Variants in ZNF385B observed in about 807,000 individuals in gnomAD.
ZNF385B encodes zinc finger protein 533.
In ZNF385B, 23 loss-of-function variants were observed where a neutral mutation model predicts 39.2. That is an observed-to-expected ratio of 0.59 (90% CI 0.42 to 0.83). The LOEUF (loss-of-function observed/expected upper bound fraction) is 0.83, where lower values mean the gene tolerates loss of function less well. ZNF385B is among the 40% of genes least tolerant of loss of function. ZNF385B has a pLI of 0.00. For synonymous variants in ZNF385B, 205 were observed against 222.6 expected (o/e 0.92, Z 0.70); for missense variants, 552 against 598.9 (o/e 0.92, Z 0.82).
At chr2:179,666,703 T>A (rs939283513) in intron 3 of ZNF385B, among the ~76,000 whole-genome samples, 1 of 152,158 alleles carries the variant, frequency 6.6e-6, no homozygotes, top group Non-Finnish European at 1.5e-5. Context: ...CTTTATTGAG[T>A]TTCCATTCTG....
chr2:179,793,344 A>G (rs1209406257), intron 1 of ZNF385B, among the ~76,000 whole-genome samples: 2 of 152,196 alleles, frequency 1.3e-5, no homozygotes, highest in Non-Finnish European at 2.9e-5. Flanking sequence ...GAAGGAATCC[A>G]GCTGTGGCTA....
At chr2:179,460,904 T>C in intron 6 of ZNF385B, among the ~76,000 whole-genome samples, 1 of 152,216 alleles carries the variant, frequency 6.6e-6, no homozygotes, top group East Asian at 1.9e-4. Context: ...CTCACTTGGC[T>C]AGCCTTGCAA....
At chr2:179,674,947 T>C (rs1432641673) in intron 3 of ZNF385B, among the ~76,000 whole-genome samples, 1 of 152,178 alleles carries the variant, frequency 6.6e-6, no homozygotes, top group Admixed American at 6.5e-5. Context: ...GGAAACACTA[T>C]ACAGAGTAAA....
In ZNF385B at chr2:179,769,596, T is replaced by C. The variant is rs937744671; in HGVS notation, c.205A>G (p.Asn69Asp). The C allele has an allele frequency of 1.2e-6, 2 of 1,614,118 alleles. No homozygotes were observed. Among genetic ancestry groups the C allele is most frequent in the Non-Finnish European group, 1.7e-6 (2 of 1,180,030 alleles). ...ACTCGTTTGCGGTGGGATTTGCCGT[T>C]GGAATGCACCTGAGCCTGGGCTGCA... ...NSAAQAQVHS[N>D]GKSHRKRVKQ... The change falls in exon 3 of 10, where the codon AAC becomes GAC. Residue 69 changes from asparagine (N) to aspartate (D), a missense_variant. Physicochemically the swap from Asn to Asp is conservative, Grantham distance 23. Transcript: ENST00000410066.
chr2:179,583,886 T>C (rs1287428925), intron 3 of ZNF385B: 2 of 1,301,012 alleles, frequency 1.5e-6, no homozygotes, highest in South Asian at 1.2e-5. Context: ...AGTCCACATA[T>C]AAATTATACA....
chr2:179,488,836 A>G (rs2054899302), intron 5 of ZNF385B, among the ~76,000 whole-genome samples: 1 of 152,196 alleles, frequency 6.6e-6, no homozygotes, highest in East Asian at 1.9e-4. Flanking sequence ...CGACCATAAA[A>G]CAGGCTAAAC....
chr2:179,603,943 C>T (rs1048241005), intron 3 of ZNF385B, among the ~76,000 whole-genome samples: 3 of 152,106 alleles, frequency 2.0e-5, no homozygotes. Flanking sequence ...AGGATTTTCA[C>T]AGACATTTAT....
chr2:179,641,095 C>T (rs968114958), intron 3 of ZNF385B, among the ~76,000 whole-genome samples: 1 of 151,444 alleles, frequency 6.6e-6, no homozygotes, highest in African/African-American at 2.4e-5. Context: ...AAAAAAGATT[C>T]TTTTTATTTG....
chr2:179,630,740 C>T (rs527453665), intron 3 of ZNF385B, among the ~76,000 whole-genome samples: 16 of 152,212 alleles, frequency 1.1e-4, no homozygotes, highest in African/African-American at 3.1e-4. Flanking sequence ...GGAGGGTGTT[C>T]GAACCCATCG....
At chr2:179,507,842 G>C (rs559348758) in intron 5 of ZNF385B, among the ~76,000 whole-genome samples, 7 of 152,144 alleles carry the variant, frequency 4.6e-5, no homozygotes, top group African/African-American at 1.2e-4. Flanking sequence ...CTCATATGCT[G>C]TCTCCACCTC....
At chr2:179,513,240 T>TA (rs1326510444) in intron 5 of ZNF385B, among the ~76,000 whole-genome samples, 1 of 152,100 alleles carries the variant, frequency 6.6e-6, no homozygotes. Flanking sequence ...CCCCCCCAAA[T>TA]AAAAAATGCT....
At chr2:179,802,547 A>C (rs1706098179) in intron 1 of ZNF385B, 1 of 152,136 alleles carries the variant, frequency 6.6e-6, no homozygotes. Flanking sequence ...AACAGTCTCC[A>C]TCTGTCTTGG....
chr2:179,544,654 T>C (rs2105906723), intron 4 of ZNF385B, among the ~76,000 whole-genome samples, 173 bp downstream of exon 4: 1 of 152,356 alleles, frequency 6.6e-6, no homozygotes, highest in East Asian at 1.9e-4. Context: ...CTGGCTATTG[T>C]TTGGGCTACT....
intron 1 of ZNF385B, among the ~76,000 whole-genome samples, chr2:179,836,969 G>A (rs1169407171): frequency 1.3e-5 from 2 of 152,118 alleles, no homozygotes; most frequent in African/African-American, 2.4e-5. Flanking sequence ...AGCATTAAAC[G>A]ATCAGAGGTG....
chr2:179,502,123 A>G (rs932481098), intron 5 of ZNF385B, among the ~76,000 whole-genome samples: 1 of 152,192 alleles, frequency 6.6e-6, no homozygotes, highest in African/African-American at 2.4e-5. Flanking sequence ...GAATGGCAGC[A>G]TTTATCCAAT....
intron 3 of ZNF385B, among the ~76,000 whole-genome samples, chr2:179,614,939 G>A (rs2106144644): frequency 6.6e-6 from 1 of 152,262 alleles, no homozygotes; most frequent in African/African-American, 2.4e-5. Context: ...TCCTCCTCTG[G>A]TATTTGTCCT....
chr2:179,644,622 C>A (rs1216516344), intron 3 of ZNF385B, among the ~76,000 whole-genome samples: 2 of 152,140 alleles, frequency 1.3e-5, no homozygotes, highest in African/African-American at 2.4e-5. Context: ...AAGTTGCCAA[C>A]TTTTCCAAAG....
intron 1 of ZNF385B, among the ~76,000 whole-genome samples, chr2:179,811,929 T>C (rs1706759512): frequency 6.6e-6 from 1 of 152,078 alleles, no homozygotes; most frequent in African/African-American, 2.4e-5. Flanking sequence ...ATCCAGTCTA[T>C]AGGGAACTTA....
intron 3 of ZNF385B, among the ~76,000 whole-genome samples, chr2:179,635,375 C>T (rs1691657329): frequency 2.0e-5 from 1 of 49,644 alleles, no homozygotes; most frequent in Admixed American, 3.2e-4. Context: ...CACACTGGGG[C>T]CTGTTGGGGG....
Sources: allele counts gnomAD v4.1 joint callset (sites outside exome capture counted in the v4.1 genomes callset), GRCh38; gene constraint gnomAD v4.1.1; transcripts MANE v1.5; gene names NCBI Gene and HGNC (gene_info 2026-07-23, HGNC 2026-07-21).